Variants in EGFLAM observed in about 807,000 individuals in gnomAD.
EGFLAM encodes pikachurin.
In EGFLAM, 79 loss-of-function variants were observed where a neutral mutation model predicts 113.1. The ratio of observed to expected loss-of-function variants is 0.70; its 90% confidence interval spans 0.58 to 0.84. The LOEUF is 0.84. Among genes scored for constraint, EGFLAM ranks in the 40% least tolerant of loss-of-function variants. The pLI, the probability that EGFLAM is intolerant of heterozygous loss-of-function variation, is 0.00. For missense variants in EGFLAM, 1,265 were observed against 1,291.6 expected, an observed-to-expected ratio of 0.98 and a Z score of 0.32; for synonymous variants, 504 against 487.6, an observed-to-expected ratio of 1.03 and a Z score of -0.44.
chr5:38,327,505 T>G (rs1201618538), intron 1 of EGFLAM, among the ~76,000 whole-genome samples: 1 of 152,234 alleles, frequency 6.6e-6, no homozygotes, highest in Admixed American at 6.5e-5. Flanking sequence ...ATTTTTCAAA[T>G]GAACATATTA....
At chr5:38,258,958 G>T in intron 1 of EGFLAM, 107 bp downstream of exon 1, 1 of 1,231,396 alleles carries the variant, frequency 8.1e-7, no homozygotes, top group Non-Finnish European at 1.1e-6. Flanking sequence ...CCCGACCAAC[G>T]TCTGCTTAAC....
chr5:38,306,608 G>T (rs1008640754), intron 1 of EGFLAM, among the ~76,000 whole-genome samples: 1 of 152,096 alleles, frequency 6.6e-6, no homozygotes, highest in Non-Finnish European at 1.5e-5. Context: ...TATATACATT[G>T]TAGTTACATG....
chr5:38,391,344 A>G (rs1306089116), intron 6 of EGFLAM, among the ~76,000 whole-genome samples: 4 of 150,754 alleles, frequency 2.7e-5, no homozygotes, highest in Non-Finnish European at 4.4e-5. Context: ...CTTTATCCCT[A>G]CTTTAATACC....
chr5:38,272,936 AG>A (rs1363975318), intron 1 of EGFLAM, among the ~76,000 whole-genome samples: 1 of 152,224 alleles, frequency 6.6e-6, no homozygotes, highest in East Asian at 1.9e-4. Context: ...TTAGAAGAGG[AG>A]GATGGTATAA....
At chr5:38,268,796 G>A (rs1757693413) in intron 1 of EGFLAM, among the ~76,000 whole-genome samples, 1 of 152,198 alleles carries the variant, frequency 6.6e-6, no homozygotes, top group African/African-American at 2.4e-5. Context: ...CCAGTTTGCA[G>A]TAAGGTTCAA....
chr5:38,441,722 A>G (rs533559851), intron 17 of EGFLAM, among the ~76,000 whole-genome samples: 41 of 152,270 alleles, frequency 2.7e-4, no homozygotes, highest in Non-Finnish European at 5.3e-4. Context: ...AGAATTTCTC[A>G]GAGCCTTTGC....
At chr5:38,315,331 C>G (rs577221308) in intron 1 of EGFLAM, among the ~76,000 whole-genome samples, 1 of 152,140 alleles carries the variant, frequency 6.6e-6, no homozygotes, top group African/African-American at 2.4e-5. Flanking sequence ...CAATTCATCA[C>G]GCTTTATTGT....
In EGFLAM at chr5:38,350,612, T is replaced by C; in HGVS notation, c.403T>C (p.Ser135Pro). ...LSSPRHVTTL[S>P]QDSCLPPAAP... is the part of the protein sequence containing the mutation. ...CTCTCCTCGGCATGTCACCACTTTG[T>C]CCCAAGGTAAAGTAGGTTCAAATTC... Residue 135 changes from serine to proline, a missense_variant, in exon 4 of 22, where the codon TCC becomes CCC. Physicochemically the swap from Ser to Pro is moderately conservative, Grantham distance 74 (BLOSUM62 -1). Coordinates refer to ENST00000322350, the MANE Select transcript of EGFLAM (RefSeq NM_152403.4). The C allele has an allele frequency of 6.2e-7, 1 of 1,613,658 alleles. No individual in the cohort carries two copies.
chr5:38,387,957 A>C (rs1404832057), intron 6 of EGFLAM, among the ~76,000 whole-genome samples: 2 of 152,108 alleles, frequency 1.3e-5, no homozygotes, highest in African/African-American at 4.8e-5. Flanking sequence ...AAAGTAAGGG[A>C]GGTTTTCTTT....
rs200340369 is a variant in EGFLAM, at chr5:38,370,296, G to A, written c.546G>A (p.Arg182=). ...PIQYYSVEFI[R]PDFDKKWTSI... ...TCTTCTGTTTTTCTAATCAATAAAG[G>A]CCAGATTTCGACAAGAAGTGGACCT... is the stretch of plus-strand genomic sequence containing the variant. The change falls in exon 6 of 22, where the codon AGG becomes AGA. Residue 182 remains arginine, a splice_region_variant and synonymous_variant. Transcript: ENST00000322350. The A allele has an allele frequency of 1.2e-6, 2 of 1,612,614 alleles. No individual in the cohort carries two copies. The highest frequency in any genetic ancestry group is 1.1e-5 in the South Asian group (1 of 90,916).
intron 6 of EGFLAM, among the ~76,000 whole-genome samples, chr5:38,374,590 G>A (rs147816869): frequency 1.1e-3 from 172 of 152,270 alleles, no homozygotes; most frequent in Non-Finnish European, 1.7e-3. Context: ...CAATAGTGAT[G>A]TTATCCCCAG....
At chr5:38,376,871 A>G (rs1717733471) in intron 6 of EGFLAM, among the ~76,000 whole-genome samples, 1 of 152,100 alleles carries the variant, frequency 6.6e-6, no homozygotes, top group South Asian at 2.1e-4. Context: ...AGGTTTCACC[A>G]TGTTGCCCAG....
rs114895331 is a variant in EGFLAM, at chr5:38,418,365, G to A, written c.1684+110G>A. On this transcript the variant is annotated intron_variant, in intron 12 of 21. Transcript: ENST00000322350. ...GCAGCAACATTAGGTGCTACCCTGG[G>A]AAGCTGGTACCTTCAGAACATCAGG... is the stretch of plus-strand genomic sequence containing the variant. 5.7e-4 allele frequency: 770 copies of A among 1,357,104 alleles called. 7 individuals are homozygous for A. In the African/African-American group the frequency reaches 0.01, roughly 18 times the overall value. 84.1% of individuals were successfully genotyped at this position (1,357,104 alleles called of 1,614,324 possible). A position where few individuals can be genotyped will look rare whatever the true frequency, so the allele number is the denominator to read the frequency against.
At chr5:38,368,632 C>T (rs1579829244) in intron 5 of EGFLAM, among the ~76,000 whole-genome samples, 1 of 152,310 alleles carries the variant, frequency 6.6e-6, no homozygotes, top group East Asian at 1.9e-4. Flanking sequence ...CTCTAAATAT[C>T]TGTGAGCAGA....
chr5:38,280,139 T>C (rs978180079), intron 1 of EGFLAM, among the ~76,000 whole-genome samples: 1 of 152,242 alleles, frequency 6.6e-6, no homozygotes, highest in African/African-American at 2.4e-5. Flanking sequence ...TCAAAAATTC[T>C]TTTACTTTTC....
At chr5:38,454,891 A>G (rs1475034494) in intron 19 of EGFLAM, among the ~76,000 whole-genome samples, 1 of 152,242 alleles carries the variant, frequency 6.6e-6, no homozygotes. Flanking sequence ...ATATGTATAT[A>G]TATTTATAGT....
At chr5:38,461,903 C>T (rs1415144713) in intron 20 of EGFLAM, among the ~76,000 whole-genome samples, 2 of 152,108 alleles carry the variant, frequency 1.3e-5, no homozygotes, top group African/African-American at 2.4e-5. Context: ...CAGTGGCTCA[C>T]GCCTGTAATC....
At chr5:38,345,705 T>G (rs1039748814) in intron 3 of EGFLAM, 3 of 152,174 alleles carry the variant, frequency 2.0e-5, no homozygotes, top group African/African-American at 7.2e-5. Context: ...GCAGGAGAGA[T>G]AAACATCTTG....
intron 6 of EGFLAM, among the ~76,000 whole-genome samples, chr5:38,405,289 A>C (rs1741247773): frequency 6.6e-6 from 1 of 152,188 alleles, no homozygotes. Flanking sequence ...TGTGAATCAC[A>C]CCTCATTCAC....
Sources: gnomAD v4.1 joint callset for allele counts (sites outside exome capture counted in the v4.1 genomes callset) on GRCh38, gnomAD v4.1.1 for gene constraint, MANE v1.5 for transcripts, NCBI Gene and HGNC (gene_info 2026-07-23, HGNC 2026-07-21) for gene names.